Variants in ASIC2 observed in about 807,000 individuals in gnomAD.
The protein encoded by ASIC2 is acid sensing ion channel subunit 2.
ASIC2 carries 25 observed loss-of-function variants against 57.3 expected under a neutral mutation model. The ratio of observed to expected loss-of-function variants is 0.44; its 90% CI spans 0.32 to 0.61. The LOEUF is 0.61. Ranked by LOEUF, ASIC2 falls within the 20% of genes least tolerant of loss-of-function variation. ASIC2 has a pLI of 0.06. For synonymous variants in ASIC2, 319 were observed against 307.5 expected (o/e 1.04, Z -0.39); for missense variants, 641 against 738.1 (o/e 0.87, Z 1.52).
At chr17:33,887,018 C>T (rs1254699767) in intron 1 of ASIC2, among the ~76,000 whole-genome samples, 1 of 152,068 alleles carries the variant, frequency 6.6e-6, no homozygotes, top group Non-Finnish European at 1.5e-5. Context: ...AGGAGAGAGC[C>T]GACTGTGGTG....
chr17:33,507,138 T>TC lies in ASIC2; in HGVS notation c.556-395072dup, dbSNP rs550636004. Among the ~76,000 whole-genome samples the TC allele has an allele frequency of 4.6e-5, 7 of 152,296 alleles. No homozygotes were observed. The South Asian group carries it at 1.5e-3, about 32-fold the overall frequency. ...ACTCCCAATACCTGATGCTCTATCT[T>TC]CCCCCTCAGGACAATGATTCTATTA... On this transcript the variant is annotated intron_variant, in intron 1 of 9. Transcript: ENST00000359872.
intron 1 of ASIC2, among the ~76,000 whole-genome samples, chr17:33,602,730 C>G (rs565946313): frequency 1.6e-4 from 24 of 152,350 alleles, no homozygotes; most frequent in African/African-American, 5.1e-4. Context: ...ACACAAGCCT[C>G]TCCTGTCTCA....
intron 1 of ASIC2, among the ~76,000 whole-genome samples, chr17:34,095,176 A>G (rs1277919890): frequency 6.6e-6 from 1 of 151,820 alleles, no homozygotes; most frequent in East Asian, 1.9e-4. Flanking sequence ...ATCAGTAGCA[A>G]TCAAACCCTG....
intron 1 of ASIC2, among the ~76,000 whole-genome samples, chr17:33,285,427 G>T (rs1905110082): frequency 6.6e-6 from 1 of 152,214 alleles, no homozygotes; most frequent in South Asian, 2.1e-4. Flanking sequence ...GCAAAGAAAA[G>T]AAATGGTTGG....
chr17:33,388,801 G>A (rs181394714), intron 1 of ASIC2, among the ~76,000 whole-genome samples: 10 of 152,290 alleles, frequency 6.6e-5, no homozygotes, highest in Admixed American at 6.5e-4. Context: ...TTCACTTCTT[G>A]CTCACACAAA....
In ASIC2 at chr17:33,088,932, A is replaced by T. The variant is rs375233765; in HGVS notation, c.918T>A (p.Pro306=). Residue 306 remains proline (P), a synonymous_variant, in exon 3 of 10, where the codon CCT becomes CCA. Transcript: ENST00000225823. The part of the protein sequence containing the change: ...KVQIHSQSEP[P]FIQELGFGVA... ...CCCCAAAGCCCAGCTCTTGGATGAAAGGTGGCTCAGACTGACTGTGGATCT... is the reference window on the plus strand; with the variant it reads ...CCCCAAAGCCCAGCTCTTGGATGAATGGTGGCTCAGACTGACTGTGGATCT... The T allele has an allele frequency of 7.4e-6, 12 of 1,614,166 alleles. No individual in the cohort carries two copies. The highest frequency in any genetic ancestry group is 1.0e-5 in the Non-Finnish European group (12 of 1,179,992).
rs398041640 is a variant in ASIC2 at position 34,016,423 on chromosome 17, C to CAAAAA, written c.555+139550_555+139554dup. On this transcript the variant is annotated intron_variant, in intron 1 of 9. Transcript: ENST00000359872. The stretch of plus-strand genomic sequence containing the variant: ...TGGACGAAAGAGCGAGACTCCGTCT[C>CAAAAA]AAAAAAAAAAAAAAAAAAAAAAAAG... Among the ~76,000 whole-genome samples, 68 of 41,370 alleles carry CAAAAA rather than the reference C, an allele frequency of 1.6e-3. 1 individual carries two copies. The highest frequency in any genetic ancestry group is 3.8e-3 in the African/African-American group (46 of 12,070). The allele number at this position is 41,370 out of a possible 152,430, so 27.1% of individuals were successfully genotyped here.
At chr17:33,662,495 C>T (rs1057137681) in intron 1 of ASIC2, among the ~76,000 whole-genome samples, 8 of 147,776 alleles carry the variant, frequency 5.4e-5, no homozygotes, top group South Asian at 2.1e-4. Context: ...GTGGGGGGGG[C>T]ACCTGTAATC....
intron 1 of ASIC2, among the ~76,000 whole-genome samples, chr17:33,367,254 A>G (rs2141935817): frequency 6.6e-6 from 1 of 152,352 alleles, no homozygotes; most frequent in Admixed American, 6.5e-5. Context: ...TGTATAGGGC[A>G]GGCCTAGAAG....
chr17:33,871,053 C>T (rs1567740813), intron 1 of ASIC2, among the ~76,000 whole-genome samples: 2 of 152,152 alleles, frequency 1.3e-5, no homozygotes, highest in Non-Finnish European at 2.9e-5. Flanking sequence ...TCCTTTTGTG[C>T]AAGATGTGAG....
chr17:33,133,467 A>G (rs144612925), intron 1 of ASIC2, among the ~76,000 whole-genome samples: 3 of 152,340 alleles, frequency 2.0e-5, no homozygotes, highest in African/African-American at 7.2e-5. Flanking sequence ...CAGACAGCTT[A>G]TGCAGTTATG....
At chr17:33,884,909 C>A (rs1914792285) in intron 1 of ASIC2, among the ~76,000 whole-genome samples, 1 of 152,172 alleles carries the variant, frequency 6.6e-6, no homozygotes, top group African/African-American at 2.4e-5. Context: ...ATTATCATTA[C>A]TTGGGGAGTT....
intron 1 of ASIC2, among the ~76,000 whole-genome samples, chr17:33,115,872 C>A (rs193089573): frequency 6.6e-6 from 1 of 152,290 alleles, no homozygotes; most frequent in Non-Finnish European, 1.5e-5. Context: ...GAATGAGAGT[C>A]AAGGTGCTGC....
At chr17:33,220,965 T>C (rs1907667328) in intron 1 of ASIC2, among the ~76,000 whole-genome samples, 1 of 152,080 alleles carries the variant, frequency 6.6e-6, no homozygotes, top group South Asian at 2.1e-4. Flanking sequence ...CCAGCTACTC[T>C]GGAGGCTGAG....
At chr17:33,917,965 A>G (rs961599560) in intron 1 of ASIC2, among the ~76,000 whole-genome samples, 20 of 133,952 alleles carry the variant, frequency 1.5e-4, no homozygotes, top group Middle Eastern at 4.4e-3. Flanking sequence ...GTGCATGTGC[A>G]CACACACACA....
chr17:34,152,011 T>TATA (rs984485238), intron 1 of ASIC2, among the ~76,000 whole-genome samples: 9 of 152,186 alleles, frequency 5.9e-5, no homozygotes, highest in Admixed American at 6.5e-5. Flanking sequence ...ATGTTCCTAG[T>TATA]ATAATAATAA....
chr17:34,023,004 G>A (rs574965277), intron 1 of ASIC2, among the ~76,000 whole-genome samples: 64 of 152,146 alleles, frequency 4.2e-4, no homozygotes, highest in African/African-American at 1.2e-3. Context: ...CTCTGGCCAC[G>A]TAAGACATGT....
chr17:33,628,273 C>T (rs978828120), intron 1 of ASIC2, among the ~76,000 whole-genome samples: 1 of 151,770 alleles, frequency 6.6e-6, no homozygotes, highest in African/African-American at 2.4e-5. Context: ...AATTGATTTT[C>T]TGATATCTAC....
chr17:33,021,088 A>G (rs2091833421), intron 7 of ASIC2, 131 bp downstream of exon 7: 1 of 629,962 alleles, frequency 1.6e-6, no homozygotes, highest in Non-Finnish European at 2.7e-6. Context: ...GGGAGTAATT[A>G]TTAGTAAATC....
Sources: gnomAD v4.1 joint callset for allele counts (sites outside exome capture counted in the v4.1 genomes callset) on GRCh38, gnomAD v4.1.1 for gene constraint, MANE v1.5 for transcripts, NCBI Gene and HGNC (gene_info 2026-07-23, HGNC 2026-07-21) for gene names.